CAPS: variants seen among roughly 807,000 people sequenced by gnomAD.
CAPS encodes calcyphosin.
CAPS carries 16 observed loss-of-function variants against 15.5 expected under a neutral mutation model. The observed-to-expected ratio is 1.03, with a 90% CI of 0.70 to 1.57. CAPS has a LOEUF of 1.57. Ranked by LOEUF, CAPS falls within the 40% of genes most tolerant of loss-of-function variation. The pLI, the probability that CAPS is intolerant of heterozygous loss-of-function variation, is 0.00. For synonymous variants in CAPS, 121 were observed against 116.0 expected (o/e 1.04, Z -0.28); for missense variants, 294 against 278.4 (o/e 1.06, Z -0.40).
Position 5,914,668 on chromosome 19 carries a change from G to A in CAPS, c.189G>A (p.Glu63=). 6.2e-7 allele frequency: 1 copy of A among 1,614,078 alleles called. No homozygotes were observed. The highest frequency in any genetic ancestry group is 8.5e-7 in the Non-Finnish European group (1 of 1,180,028). The part of the protein sequence containing the change: ...LGLVLDQAEA[E]GVCRKWDRNG... ...TGGTGCTGGACCAGGCGGAGGCAGA[G>A]GGTGTGTGCAGGAAGTGGGACCGCA... Residue 63 remains glutamate, a synonymous_variant, in exon 3 of 5, where the codon GAG becomes GAA. Coordinates refer to ENST00000588776, the MANE Select transcript of CAPS (RefSeq NM_004058.5).
Position 5,915,554 on chromosome 19 carries a change from T to G in CAPS, c.*232T>G. 2.0e-6 allele frequency: 1 copy of G among 509,364 alleles called. No individual in the cohort carries two copies. Among genetic ancestry groups the G allele is most frequent in the Non-Finnish European group, 3.5e-6 (1 of 283,598 alleles). 31.6% of individuals were successfully genotyped at this position (509,364 alleles called of 1,614,324 possible). On this transcript the variant is annotated 3_prime_UTR_variant, in exon 5 of 5. Coordinates refer to ENST00000588776, the MANE Select transcript of CAPS (RefSeq NM_004058.5). The stretch of plus-strand genomic sequence containing the variant: ...GGCTCAGGACCCCAGGGAGAAACGC[T>G]CTCCCCACCCACGCCATGCTGACCA...
Position 5,914,525 on chromosome 19 carries a change from CCT to C in CAPS, c.83+37_84-36del, listed in dbSNP as rs770086549. 80 of 1,605,278 alleles carry C rather than the reference CCT, an allele frequency of 5.0e-5. No homozygotes were observed. In the African/African-American group the frequency reaches 7.9e-4, roughly 16 times the overall value. ...CCCTCTCACCTTCCTGACCCCGGCC[CCT>C]GAGACCACTGTTCCAACCGTGTCCC... On this transcript the variant is annotated intron_variant, in intron 2 of 4. Coordinates refer to ENST00000588776, the MANE Select transcript of CAPS (RefSeq NM_004058.5).
At chr19:5,915,194 T>C (rs1386899925) in intron 4 of CAPS, 27 bp from the exon 5 acceptor site, 1 of 1,611,602 alleles carries the variant, frequency 6.2e-7, no homozygotes, top group Non-Finnish European at 8.5e-7. Flanking sequence ...TCCTCGGCCG[T>C]GCCCCCTCAC....
rs1382674459 is a variant in CAPS at position 5,915,314 on chromosome 19, C to G, written c.562C>G (p.Gln188Glu). ...CGTGGCCATGATGACCAGTGCCTGG[C>G]AGCTGTGAGCAGCTCCGGCTCAGCC... ...EFVAMMTSAW[Q>E]L Residue 188 changes from glutamine to glutamate, a missense_variant, in exon 5 of 5, where the codon CAG becomes GAG. By Grantham distance (29) the Gln-to-Glu change is conservative (BLOSUM62 2). Transcript: ENST00000588776. The G allele has an allele frequency of 1.9e-6, 3 of 1,606,522 alleles. No homozygotes were observed. The African/African-American group carries it at 4.0e-5, about 21-fold the overall frequency.
chr19:5,914,493 A>G lies in CAPS; in HGVS notation c.83+4A>G. 6.2e-7 allele frequency: 1 copy of G among 1,609,698 alleles called. No individual in the cohort carries two copies. The highest frequency in any genetic ancestry group is 8.5e-7 in the Non-Finnish European group (1 of 1,177,328). On this transcript the variant is annotated splice_donor_region_variant and intron_variant, in intron 2 of 4. Transcript: ENST00000588776. Reference sequence around the variant, plus strand: ...CGGGCATCCAGGGCCTGGCCAGGTGAGCTGTCCCCTCTCACCTTCCTGACC... The same window carrying G: ...CGGGCATCCAGGGCCTGGCCAGGTGGGCTGTCCCCTCTCACCTTCCTGACC...
In CAPS at chr19:5,914,648, C is replaced by T; in HGVS notation, c.169C>T (p.Leu57=). 1.2e-6 allele frequency: 2 copies of T among 1,613,988 alleles called. No individual in the cohort carries two copies. Among genetic ancestry groups the T allele is most frequent in the Non-Finnish European group, 8.5e-7 (1 of 1,179,952 alleles). Residue 57 remains leucine, a synonymous_variant, in exon 3 of 5, where the codon CTG becomes TTG. Transcript: ENST00000588776. The stretch of plus-strand genomic sequence containing the variant: ...GGGTCTGGCCAAACTCGGGCTGGTG[C>T]TGGACCAGGCGGAGGCAGAGGGTGT... The part of the protein sequence containing the change: ...RQGLAKLGLV[L]DQAEAEGVCR...
chr19:5,914,541 C>G, intron 2 of CAPS, 22 bp from the exon 3 acceptor site: 1 of 1,603,660 alleles, frequency 6.2e-7, no homozygotes, highest in Non-Finnish European at 8.5e-7. Flanking sequence ...ACCACTGTTC[C>G]AACCGTGTCC....
In CAPS at chr19:5,914,941, C is replaced by A. The variant is rs778644633; in HGVS notation, c.263C>A (p.Pro88His). Residue 88 changes from proline (P) to histidine (H), a missense_variant and splice_region_variant, in exon 4 of 5, where the codon CCC becomes CAC. Physicochemically the swap from Pro to His is moderately conservative, Grantham distance 77. Transcript: ENST00000588776. ...DLEEFLRALRPPMSQAREAVI... is the reference protein window; with the variant it reads ...DLEEFLRALRHPMSQAREAVI... ...CCCAGTCACCACCTCCTGTCCCAGC[C>A]CCCCATGTCCCAGGCCCGGGAGGCT... The A allele has an allele frequency of 1.2e-6, 2 of 1,601,996 alleles. No individual in the cohort carries two copies. The highest frequency in any genetic ancestry group is 1.3e-5 in the African/African-American group (1 of 75,026).
rs1367111462 is a variant in CAPS at position 5,915,343 on chromosome 19, C to A, written c.*21C>A. The A allele has an allele frequency of 1.9e-6, 3 of 1,549,294 alleles. No homozygotes were observed. Among genetic ancestry groups the A allele is most frequent in the Admixed American group, 1.8e-5 (1 of 56,894 alleles). ...TGTGAGCAGCTCCGGCTCAGCCCTG[C>A]TGCCCTGGCCTGTCACTCCCCACCC... On this transcript the variant is annotated 3_prime_UTR_variant, in exon 5 of 5. Transcript: ENST00000588776.
rs762391474 is a variant in CAPS, at chr19:5,915,287, T to C, written c.535T>C (p.Phe179Leu). ...TGCCTCCATGAACACGGATGAGGAG[T>C]TCGTGGCCATGATGACCAGTGCCTG... ...VSASMNTDEE[F>L]VAMMTSAWQL The change falls in exon 5 of 5, where the codon TTC becomes CTC. Residue 179 changes from phenylalanine to leucine, a missense_variant. By Grantham distance (22) the Phe-to-Leu change is conservative. Coordinates refer to ENST00000588776, the MANE Select transcript of CAPS (RefSeq NM_004058.5). 1.9e-6 allele frequency: 3 copies of C among 1,612,012 alleles called. No individual in the cohort carries two copies. Among genetic ancestry groups the C allele is most frequent in the Non-Finnish European group, 1.7e-6 (2 of 1,179,760 alleles).
In CAPS at chr19:5,915,661, G is replaced by A; in HGVS notation, c.*339G>A. ...GACTGCTGCTCCCTGCCCCTCCCTT[G>A]CGGGTCCCCCAGGAAGCCAGGTGAC... On this transcript the variant is annotated 3_prime_UTR_variant, in exon 5 of 5. Coordinates refer to ENST00000588776, the MANE Select transcript of CAPS (RefSeq NM_004058.5). 7.9e-6 allele frequency: 2 copies of A among 254,706 alleles called. No individual in the cohort carries two copies. Among genetic ancestry groups the A allele is most frequent in the Non-Finnish European group, 7.6e-6 (1 of 130,834 alleles). 15.8% of individuals were successfully genotyped at this position (254,706 alleles called of 1,614,324 possible). A position where few individuals can be genotyped will look rare whatever the true frequency, so the allele number is the denominator to read the frequency against.
Position 5,915,499 on chromosome 19 carries a change from G to A in CAPS, c.*177G>A, listed in dbSNP as rs1272639171. 8.4e-6 allele frequency: 5 copies of A among 596,280 alleles called. No individual in the cohort carries two copies. The highest frequency in any genetic ancestry group is 1.2e-5 in the Non-Finnish European group (4 of 336,392). The allele number at this position is 596,280 out of a possible 1,614,324, so 36.9% of individuals were successfully genotyped here. On this transcript the variant is annotated 3_prime_UTR_variant, in exon 5 of 5. Coordinates refer to ENST00000588776, the MANE Select transcript of CAPS (RefSeq NM_004058.5). ...GGTCCCTGCCGGTCCACCAGGCGGA[G>A]GTGGGACAAAGGTCCTAACAGGAGT...
At position 5,915,343 on chromosome 19, in the gene CAPS, C is replaced by G. The variant is rs1367111462; in HGVS notation, c.*21C>G. 1 of 1,549,414 alleles carries G rather than the reference C, an allele frequency of 6.5e-7. No homozygotes were observed. The highest frequency in any genetic ancestry group is 2.3e-5 in the East Asian group (1 of 43,684). On this transcript the variant is annotated 3_prime_UTR_variant, in exon 5 of 5. Transcript: ENST00000588776. ...TGTGAGCAGCTCCGGCTCAGCCCTG[C>G]TGCCCTGGCCTGTCACTCCCCACCC... is the stretch of plus-strand genomic sequence containing the variant.
chr19:5,915,079 A>T lies in CAPS; in HGVS notation c.401A>T (p.Glu134Val). 1.9e-6 allele frequency: 3 copies of T among 1,613,106 alleles called. No individual in the cohort carries two copies. The highest frequency in any genetic ancestry group is 2.5e-6 in the Non-Finnish European group (3 of 1,179,896). Residue 134 changes from glutamate to valine, a missense_variant, in exon 4 of 5, where the codon GAG (glutamate) becomes GTG (valine). Coordinates refer to ENST00000588776, the MANE Select transcript of CAPS (RefSeq NM_004058.5). The part of the protein sequence containing the change: ...GRAHPKVRSG[E>V]WTEDEVLRRF... ...GCCCACCCCAAGGTGCGCAGTGGGG[A>T]GTGGACCGAGGACGAGGTGCTGCGC...
At position 5,915,331 on chromosome 19, in the gene CAPS, G is replaced by C. The variant is rs531295422; in HGVS notation, c.*9G>C. On this transcript the variant is annotated 3_prime_UTR_variant, in exon 5 of 5. Coordinates refer to ENST00000588776, the MANE Select transcript of CAPS (RefSeq NM_004058.5). The stretch of plus-strand genomic sequence containing the variant: ...GTGCCTGGCAGCTGTGAGCAGCTCC[G>C]GCTCAGCCCTGCTGCCCTGGCCTGT... 12 of 1,592,634 alleles carry C rather than the reference G, an allele frequency of 7.5e-6. No homozygotes were observed. Among genetic ancestry groups the C allele is most frequent in the Non-Finnish European group, 1.0e-5 (12 of 1,168,248 alleles).
intron 3 of CAPS, 72 bp downstream of exon 3, chr19:5,914,812 C>T (rs753951369): frequency 1.1e-4 from 171 of 1,553,336 alleles, no homozygotes; most frequent in Middle Eastern, 2.3e-4. Flanking sequence ...GATGCGGAGA[C>T]GGGGACTCCT....
intron 1 of CAPS, 29 bp downstream of exon 1, chr19:5,914,338 C>T: frequency 6.2e-7 from 1 of 1,612,906 alleles, no homozygotes; most frequent in Non-Finnish European, 8.5e-7. Context: ...GGCAGTCGGC[C>T]AGGGTGGGCT....
At position 5,914,441 on chromosome 19, in the gene CAPS, G is replaced by A. The variant is rs78909912; in HGVS notation, c.35G>A (p.Arg12Gln). ...GTGGATGCCACCATGGAGAAACTCCGGGCACAGTGCCTGTCCCGCGGGGCC... is the reference window on the plus strand; with the variant it reads ...GTGGATGCCACCATGGAGAAACTCCAGGCACAGTGCCTGTCCCGCGGGGCC... ...DAVDATMEKL[R>Q]AQCLSRGASG... The change falls in exon 2 of 5, where the codon CGG becomes CAG. Residue 12 changes from arginine to glutamine, a missense_variant. Arg to Gln is a conservative substitution (Grantham distance 43, BLOSUM62 1). Transcript: ENST00000588776. 4,222 of 1,613,088 alleles carry A rather than the reference G, an allele frequency of 2.6e-3. 99 individuals are homozygous for A. The African/African-American group carries it at 0.05, about 19-fold the overall frequency.
At chr19:5,914,821 C>G (rs1306549604) in intron 3 of CAPS, 81 bp downstream of exon 3, 1 of 1,548,792 alleles carries the variant, frequency 6.5e-7, no homozygotes, top group East Asian at 2.3e-5. Context: ...ACGGGGACTC[C>G]TCCCTAAGAG....
Sources: allele counts gnomAD v4.1 joint callset, GRCh38; gene constraint gnomAD v4.1.1; transcripts MANE v1.5; gene names NCBI Gene and HGNC (gene_info 2026-07-23, HGNC 2026-07-21).